The following SHQ1 variants were observed in gnomAD, a reference collection of about 807,000 sequenced individuals.
The protein encoded by SHQ1 is SHQ1, H/ACA ribonucleoprotein assembly factor.
Under a neutral mutation model 53.8 loss-of-function variants are expected in SHQ1, and 49 were observed. The observed-to-expected ratio is 0.91, with a 90% confidence interval of 0.72 to 1.16. The LOEUF (loss-of-function observed/expected upper bound fraction) is 1.16. Ranked by LOEUF, SHQ1 falls within the 50% of genes most tolerant of loss-of-function variation. The pLI is 0.00. For missense variants in SHQ1, 738 were observed against 683.1 expected, an observed-to-expected ratio of 1.08 and a Z score of -0.90; for synonymous variants, 243 against 251.0, an observed-to-expected ratio of 0.97 and a Z score of 0.30.
rs181576680 is a variant in SHQ1, at chr3:72,759,637, G to A, written c.1182-8801C>T. 1.9e-3 allele frequency among the ~76,000 whole-genome samples: 284 copies of A among 152,296 alleles called. 1 individual carries two copies. The highest frequency in any genetic ancestry group is 6.6e-3 in the African/African-American group (273 of 41,560). ...ACCTGGGAGGCGGAGGTTGTAGTGA[G>A]CAGAGACTGCAGCACTACACTCCAG... On this transcript the variant is annotated intron_variant, in intron 10 of 10. Transcript: ENST00000325599.
the SHQ1 span, among the ~76,000 whole-genome samples, chr3:72,730,079 A>G: frequency 6.6e-6 from 1 of 151,990 alleles, no homozygotes; most frequent in East Asian, 1.9e-4. Context: ...CGGCTTCCCA[A>G]AGTGCTGGAA....
chr3:72,746,979 C>G (rs1705270215), downstream of SHQ1, among the ~76,000 whole-genome samples: 1 of 152,160 alleles, frequency 6.6e-6, no homozygotes, highest in African/African-American at 2.4e-5. Flanking sequence ...TCCAACAAAG[C>G]AGTTATAGTG....
chr3:72,739,172 C>T, the SHQ1 span, among the ~76,000 whole-genome samples: 21 of 152,228 alleles, frequency 1.4e-4, no homozygotes, highest in African/African-American at 4.1e-4. Flanking sequence ...TGACTTTGCC[C>T]TTTGTTTTTA....
intron 10 of SHQ1, among the ~76,000 whole-genome samples, chr3:72,755,266 AGATG>A (rs1287351803): frequency 1.2e-4 from 18 of 150,130 alleles, no homozygotes; most frequent in Non-Finnish European, 2.2e-4. Context: ...ATGGATGGAT[AGATG>A]GATAGATGGA....
At chr3:72,786,960 A>T (rs1706251114) in intron 10 of SHQ1, among the ~76,000 whole-genome samples, 1 of 152,222 alleles carries the variant, frequency 6.6e-6, no homozygotes, top group Admixed American at 6.5e-5. Flanking sequence ...TTCTTAGCAT[A>T]ATCCTATCCC....
intron 10 of SHQ1, among the ~76,000 whole-genome samples, chr3:72,791,442 G>T (rs1377254193): frequency 1.3e-5 from 2 of 152,132 alleles, no homozygotes; most frequent in African/African-American, 4.8e-5. Context: ...CAATCCCTAA[G>T]CATTTTCTGT....
intron 5 of SHQ1, 125 bp downstream of exon 5, chr3:72,832,244 G>A (rs1357860040): frequency 1.5e-6 from 1 of 677,192 alleles, no homozygotes; most frequent in Non-Finnish European, 2.6e-6. Flanking sequence ...GTCCATTAAG[G>A]TCTTCAGTCA....
chr3:72,828,274 T>C (rs1461591097), intron 5 of SHQ1, among the ~76,000 whole-genome samples: 1 of 152,130 alleles, frequency 6.6e-6, no homozygotes, highest in Admixed American at 6.5e-5. Context: ...CCTAAGCCAG[T>C]CTAACAGGGC....
intron 9 of SHQ1, among the ~76,000 whole-genome samples, chr3:72,803,941 A>G (rs1706864748): frequency 6.6e-6 from 1 of 152,160 alleles, no homozygotes; most frequent in South Asian, 2.1e-4. Flanking sequence ...GTTAGAGACA[A>G]GGTCTTACCC....
intron 3 of SHQ1, 51 bp downstream of exon 3, chr3:72,842,229 T>C (rs1204422286): frequency 1.9e-6 from 3 of 1,591,154 alleles, no homozygotes; most frequent in Non-Finnish European, 2.6e-6. Flanking sequence ...ATACACAGCA[T>C]TCCAAATATT....
At chr3:72,776,849 C>T (rs1004550166) in intron 10 of SHQ1, among the ~76,000 whole-genome samples, 3 of 152,114 alleles carry the variant, frequency 2.0e-5, no homozygotes, top group East Asian at 1.9e-4. Flanking sequence ...ATGGCACTCT[C>T]GCATGACAGA....
At chr3:72,761,322 C>T (rs1335486600) in intron 10 of SHQ1, among the ~76,000 whole-genome samples, 1 of 152,066 alleles carries the variant, frequency 6.6e-6, no homozygotes, top group African/African-American at 2.4e-5. Flanking sequence ...GAAGCACACA[C>T]CACCACGCCT....
chr3:72,799,825 A>C (rs143366210), intron 9 of SHQ1, among the ~76,000 whole-genome samples: 75 of 152,164 alleles, frequency 4.9e-4, no homozygotes, highest in African/African-American at 1.5e-3. Context: ...GGAATGTACA[A>C]CCCTCAATTC....
At chr3:72,843,411 T>C (rs1208591024) in intron 2 of SHQ1, among the ~76,000 whole-genome samples, 1 of 152,206 alleles carries the variant, frequency 6.6e-6, no homozygotes. Flanking sequence ...CTAAAGTCTA[T>C]GTACTTCTTT....
At chr3:72,784,429 C>T (rs1054959903) in intron 10 of SHQ1, among the ~76,000 whole-genome samples, 3 of 152,152 alleles carry the variant, frequency 2.0e-5, no homozygotes, top group Non-Finnish European at 2.9e-5. Context: ...TAAGTAAATC[C>T]TTTCTATATG....
intron 10 of SHQ1, among the ~76,000 whole-genome samples, chr3:72,779,435 G>A (rs1359007808): frequency 2.0e-5 from 3 of 152,052 alleles, no homozygotes; most frequent in South Asian, 4.2e-4. Flanking sequence ...GCCATCTCTC[G>A]TGGCAGTATG....
chr3:72,789,141 C>T (rs975292334), intron 10 of SHQ1, among the ~76,000 whole-genome samples: 2 of 134,104 alleles, frequency 1.5e-5, no homozygotes, highest in African/African-American at 5.5e-5. Context: ...CATTGGGAAA[C>T]AAATACAGGA....
intron 1 of SHQ1, 152 bp from the exon 2 acceptor site, chr3:72,844,575 G>C: frequency 1.4e-6 from 1 of 704,194 alleles, no homozygotes; most frequent in South Asian, 1.6e-5. Context: ...AACTAAGTTA[G>C]ATTCTTTCCC....
intron 10 of SHQ1, among the ~76,000 whole-genome samples, chr3:72,765,530 C>CATACATATATATATATATATATATATAT (rs1705702242): frequency 1.2e-5 from 1 of 83,536 alleles, no homozygotes; most frequent in African/African-American, 6.2e-5. Flanking sequence ...ATTCACATGA[C>CATACATATATATATATATATATATATAT]ATATATATAT....
Sources: allele counts gnomAD v4.1 joint callset (sites outside exome capture counted in the v4.1 genomes callset), GRCh38; gene constraint gnomAD v4.1.1; transcripts MANE v1.5; gene names NCBI Gene and HGNC (gene_info 2026-07-23, HGNC 2026-07-21).